Variants in CDH13 observed in about 807,000 individuals in gnomAD.
The protein encoded by CDH13 is cadherin-13.
A neutral mutation model predicts 63.8 loss-of-function variants in CDH13; 24 were observed. That is an observed-to-expected ratio of 0.38 (90% CI 0.27 to 0.53). The LOEUF is 0.53. CDH13 is among the 20% of genes least tolerant of loss of function. CDH13 has a pLI of 0.85. For synonymous variants in CDH13, 503 were observed against 355.3 expected (o/e 1.42, Z -4.67); for missense variants, 1,049 against 903.1 (o/e 1.16, Z -2.07).
intron 5 of CDH13, among the ~76,000 whole-genome samples, chr16:83,260,792 T>C (rs1906893762): frequency 6.6e-6 from 1 of 152,198 alleles, no homozygotes; most frequent in African/African-American, 2.4e-5. Flanking sequence ...GATTATGTCA[T>C]TTAGTAAGCC....
chr16:83,644,817 C>T (rs72795357), intron 8 of CDH13, among the ~76,000 whole-genome samples: 21,256 of 152,240 alleles, frequency 0.14, 1,540 homozygotes, highest in East Asian at 0.21. Flanking sequence ...ATCCTTCATG[C>T]TTCCACGGGC....
chr16:83,680,899 A>G (rs74782937), intron 10 of CDH13, among the ~76,000 whole-genome samples: 1,854 of 152,004 alleles, frequency 0.012, 14 homozygotes, highest in Non-Finnish European at 0.021. Flanking sequence ...TTCCTTCTCT[A>G]TATCTGGCTC....
chr16:82,889,359 T>TA (rs1304686696), intron 2 of CDH13, among the ~76,000 whole-genome samples: 1 of 151,892 alleles, frequency 6.6e-6, no homozygotes, highest in Non-Finnish European at 1.5e-5. Context: ...CCAACCTATC[T>TA]AAAATCTATC....
intron 1 of CDH13, among the ~76,000 whole-genome samples, chr16:82,642,909 A>G (rs1909594774): frequency 6.6e-6 from 1 of 152,180 alleles, no homozygotes; most frequent in South Asian, 2.1e-4. Context: ...AAGCTTTAGG[A>G]CTCTAGGGCT....
At chr16:83,108,319 C>T (rs1057090558) in intron 3 of CDH13, among the ~76,000 whole-genome samples, 32 of 152,166 alleles carry the variant, frequency 2.1e-4, no homozygotes, top group African/African-American at 7.5e-4. Flanking sequence ...GTTTGTGTTG[C>T]AGAACTTTCC....
intron 1 of CDH13, among the ~76,000 whole-genome samples, chr16:82,709,863 C>T (rs1448804119): frequency 1.3e-5 from 2 of 151,880 alleles, no homozygotes; most frequent in Non-Finnish European, 2.9e-5. Context: ...CAAAGAAAGG[C>T]AAAACAGATA....
At chr16:83,067,593 C>G (rs749619554) in intron 3 of CDH13, among the ~76,000 whole-genome samples, 4 of 152,156 alleles carry the variant, frequency 2.6e-5, no homozygotes, top group Non-Finnish European at 5.9e-5. Context: ...ATCGAAGAAC[C>G]TCACTGAATA....
At chr16:82,898,476 G>C (rs1445346190) in intron 2 of CDH13, among the ~76,000 whole-genome samples, 1 of 152,202 alleles carries the variant, frequency 6.6e-6, no homozygotes, top group Non-Finnish European at 1.5e-5. Context: ...AGTGAGCCAA[G>C]ATCTCGCCAC....
At chr16:83,567,112 T>C (rs1185328622) in intron 7 of CDH13, among the ~76,000 whole-genome samples, 1 of 152,162 alleles carries the variant, frequency 6.6e-6, no homozygotes, top group African/African-American at 2.4e-5. Flanking sequence ...TATTCAAAAC[T>C]CAGATTCAGC....
chr16:83,249,142 G>GT lies in CDH13; in HGVS notation c.636+31646dup, dbSNP rs570575817. Among the ~76,000 whole-genome samples, 4 of 152,310 alleles carry GT rather than the reference G, an allele frequency of 2.6e-5. 1 individual carries two copies. The highest frequency in any genetic ancestry group is 9.6e-5 in the African/African-American group (4 of 41,570). ...TGGACCTTCATGTCGTTCTCCCTGAGTGAGTCCCTTTTGCAAGTTATTAAT... is the reference window on the plus strand; with the variant it reads ...TGGACCTTCATGTCGTTCTCCCTGAGTTGAGTCCCTTTTGCAAGTTATTAAT... On this transcript the variant is annotated intron_variant, in intron 5 of 13. Transcript: ENST00000567109.
chr16:83,718,614 G>A (rs928083460), intron 10 of CDH13, among the ~76,000 whole-genome samples: 2 of 152,098 alleles, frequency 1.3e-5, no homozygotes, highest in Admixed American at 6.5e-5. Context: ...AGGTGCCGGT[G>A]GGTGTGTGAT....
At chr16:82,659,625 G>A (rs1020182674) in intron 1 of CDH13, among the ~76,000 whole-genome samples, 3 of 152,002 alleles carry the variant, frequency 2.0e-5, no homozygotes, top group Non-Finnish European at 2.9e-5. Context: ...ATAATACCAC[G>A]TCCACAAGAA....
chr16:83,285,034 C>G (rs946432555), intron 5 of CDH13, among the ~76,000 whole-genome samples: 5 of 152,132 alleles, frequency 3.3e-5, no homozygotes, highest in African/African-American at 1.2e-4. Flanking sequence ...CTTTTCTGCA[C>G]CCAGTTATTC....
chr16:82,679,440 C>G (rs1363013421), intron 1 of CDH13, among the ~76,000 whole-genome samples: 5 of 152,190 alleles, frequency 3.3e-5, no homozygotes, highest in African/African-American at 1.2e-4. Flanking sequence ...TTACCTCCTA[C>G]TAAAATGGCT....
At chr16:83,383,483 G>A (rs892807376) in intron 6 of CDH13, among the ~76,000 whole-genome samples, 7 of 152,190 alleles carry the variant, frequency 4.6e-5, no homozygotes, top group African/African-American at 1.7e-4. Context: ...TGCCCTGATG[G>A]TGTGGAGTGA....
chr16:83,321,884 A>T (rs894843377), intron 5 of CDH13, among the ~76,000 whole-genome samples: 1 of 152,174 alleles, frequency 6.6e-6, no homozygotes, highest in African/African-American at 2.4e-5. Context: ...ACAAGTTTTT[A>T]AACATGTGAG....
intron 10 of CDH13, among the ~76,000 whole-genome samples, chr16:83,742,002 A>G (rs970143521): frequency 1.3e-5 from 2 of 152,226 alleles, no homozygotes; most frequent in Non-Finnish European, 2.9e-5. Flanking sequence ...AAACCAGTCC[A>G]TGGTGCCAAA....
At chr16:82,857,960 T>C (rs1189707093) in intron 1 of CDH13, among the ~76,000 whole-genome samples, 2 of 152,184 alleles carry the variant, frequency 1.3e-5, no homozygotes, top group Non-Finnish European at 2.9e-5. Context: ...ACAGAATAGT[T>C]CCATTTTCTC....
At chr16:82,960,836 A>C (rs772453993) in intron 2 of CDH13, among the ~76,000 whole-genome samples, 7 of 152,164 alleles carry the variant, frequency 4.6e-5, no homozygotes. Flanking sequence ...AATTATTGTT[A>C]ATACAAATAA....
Sources: allele counts gnomAD v4.1 joint callset (sites outside exome capture counted in the v4.1 genomes callset), GRCh38; gene constraint gnomAD v4.1.1; transcripts MANE v1.5; gene names NCBI Gene and HGNC (gene_info 2026-07-23, HGNC 2026-07-21).